GAS7: variants seen among roughly 807,000 people sequenced by gnomAD.
GAS7 encodes the protein growth arrest-specific protein 7.
GAS7 carries 28 observed loss-of-function variants against 71.1 expected under a neutral mutation model. That is an observed-to-expected ratio of 0.39 (90% CI 0.29 to 0.54). GAS7 has a LOEUF of 0.54. Ranked by LOEUF, GAS7 falls within the 20% of genes least tolerant of loss-of-function variation. GAS7 has a pLI of 0.62. For synonymous variants in GAS7, 258 were observed against 245.8 expected (o/e 1.05, Z -0.46); for missense variants, 436 against 627.8 (o/e 0.69, Z 3.27).
At chr17:10,165,662 G>A (rs2074288774) in intron 1 of GAS7, among the ~76,000 whole-genome samples, 1 of 152,168 alleles carries the variant, frequency 6.6e-6, no homozygotes, top group Admixed American at 6.5e-5. Context: ...CAAAGTAAAT[G>A]TAAGCAGAGG....
Position 9,914,844 on chromosome 17 carries a change from G to A in GAS7, c.*2384C>T, listed in dbSNP as rs942976485. On this transcript the variant is annotated 3_prime_UTR_variant, in exon 14 of 14. Transcript: ENST00000432992. ...GGCTTGTCTTGAGCATTCGCTGAATGAATGCAGATTAATCAGAACAACAGA... is the reference window on the plus strand; with the variant it reads ...GGCTTGTCTTGAGCATTCGCTGAATAAATGCAGATTAATCAGAACAACAGA... 34 of 231,096 alleles carry A rather than the reference G, an allele frequency of 1.5e-4. No homozygotes were observed. Among genetic ancestry groups the A allele is most frequent in the African/African-American group, 6.6e-4 (30 of 45,336 alleles). 14.3% of individuals were successfully genotyped at this position (231,096 alleles called of 1,614,324 possible). A position where few individuals can be genotyped will look rare whatever the true frequency, so the allele number is the denominator to read the frequency against.
chr17:9,941,170 A>G lies in GAS7; in HGVS notation c.732-970T>C, dbSNP rs143270979. ...ATGACTTGGCATCAGGAGACTCACA[A>G]TCTCGTTCCTTCTTGCACTGCTTTC... On this transcript the variant is annotated intron_variant, in intron 7 of 13. Coordinates refer to ENST00000432992, the MANE Select transcript of GAS7 (RefSeq NM_201433.2). 1.4e-3 allele frequency among the ~76,000 whole-genome samples: 217 copies of G among 152,206 alleles called. 2 individuals carry two copies. Among genetic ancestry groups the G allele is most frequent in the African/African-American group, 4.9e-3 (204 of 41,526 alleles).
chr17:10,073,832 T>C (rs1433064794), intron 1 of GAS7, among the ~76,000 whole-genome samples: 2 of 152,200 alleles, frequency 1.3e-5, no homozygotes, highest in Non-Finnish European at 2.9e-5. Flanking sequence ...AGCTACTTCC[T>C]CAGTTCTCTA....
chr17:9,936,701 C>A (rs191184441), intron 8 of GAS7, among the ~76,000 whole-genome samples: 4 of 152,120 alleles, frequency 2.6e-5, no homozygotes, highest in Non-Finnish European at 5.9e-5. Context: ...ATCTGATAAA[C>A]GGTTAATGAA....
Position 10,161,817 on chromosome 17 carries a change from C to A in GAS7, c.183+36391G>T, listed in dbSNP as rs549654958. 5.2e-3 allele frequency among the ~76,000 whole-genome samples: 786 copies of A among 152,264 alleles called. 9 individuals are homozygous for A. The highest frequency in any genetic ancestry group is 5.4e-3 in the Non-Finnish European group (364 of 68,018). Reference sequence around the variant, plus strand: ...CGGTGGCTCATGCGTGTAATCCCAGCATTTTGGGAGGCCGAGGCGGGCGGA... The same window carrying A: ...CGGTGGCTCATGCGTGTAATCCCAGAATTTTGGGAGGCCGAGGCGGGCGGA... On this transcript the variant is annotated intron_variant, in intron 1 of 13. Transcript: ENST00000432992.
chr17:10,120,415 C>T (rs145367710), intron 1 of GAS7, among the ~76,000 whole-genome samples: 12 of 152,278 alleles, frequency 7.9e-5, no homozygotes, highest in Non-Finnish European at 1.6e-4. Flanking sequence ...GAGACCAGGA[C>T]GGACTCAATC....
intron 1 of GAS7, among the ~76,000 whole-genome samples, chr17:10,123,746 T>C (rs183351775): frequency 1.1e-3 from 167 of 152,256 alleles, no homozygotes; most frequent in Non-Finnish European, 2.0e-3. Context: ...CACCAGTGGC[T>C]GGAGGAATCA....
At chr17:10,006,316 CTTTTTTTTTTTTTTT>C (rs1168698479) in intron 2 of GAS7, among the ~76,000 whole-genome samples, 5 of 65,572 alleles carry the variant, frequency 7.6e-5, no homozygotes, top group Admixed American at 2.1e-4. Flanking sequence ...GCCCCAGATT[CTTTTTTTTTTTTTTT>C]TTTTTTTTTT....
chr17:9,942,927 A>C (rs57344404), intron 7 of GAS7, among the ~76,000 whole-genome samples, 194 bp downstream of exon 7: 2,097 of 152,322 alleles, frequency 0.014, 59 homozygotes, highest in African/African-American at 0.048. Context: ...TCAATATTTA[A>C]AAACACTATA....
intron 10 of GAS7, 117 bp from the exon 11 acceptor site, chr17:9,925,716 C>T (rs2067977698): frequency 2.7e-6 from 3 of 1,103,994 alleles, no homozygotes; most frequent in Non-Finnish European, 4.0e-6. Context: ...GTGGATGATG[C>T]CACAGTGGTC....
chr17:10,106,347 C>T (rs183854572), intron 1 of GAS7, among the ~76,000 whole-genome samples: 241 of 152,300 alleles, frequency 1.6e-3, no homozygotes, highest in Non-Finnish European at 2.4e-3. Context: ...TGTCTGCAGC[C>T]CAGCTTTGGC....
Position 9,954,165 on chromosome 17 carries a change from G to A in GAS7, c.525+5037C>T, listed in dbSNP as rs115984829. On this transcript the variant is annotated intron_variant, in intron 5 of 13. Coordinates refer to ENST00000432992, the MANE Select transcript of GAS7 (RefSeq NM_201433.2). ...AGGATATGCCCTACAGGTGGGGACC[G>A]CGTTGCTCGGTTTGGCTGAGCTGTG... 3.5e-3 allele frequency among the ~76,000 whole-genome samples: 533 copies of A among 152,310 alleles called. 3 individuals carry two copies. The highest frequency in any genetic ancestry group is 0.012 in the African/African-American group (511 of 41,554).
chr17:10,023,469 G>A (rs933835878), intron 1 of GAS7, among the ~76,000 whole-genome samples: 2 of 152,118 alleles, frequency 1.3e-5, no homozygotes, highest in African/African-American at 2.4e-5. Context: ...GATGGATAGT[G>A]TAGTACAGCC....
At chr17:10,123,404 G>A (rs1490958272) in intron 1 of GAS7, among the ~76,000 whole-genome samples, 1 of 152,166 alleles carries the variant, frequency 6.6e-6, no homozygotes, top group African/African-American at 2.4e-5. Flanking sequence ...CCCTACCCTA[G>A]AATCTGAAGG....
intron 1 of GAS7, among the ~76,000 whole-genome samples, chr17:10,134,306 C>T (rs747004440): frequency 2.8e-4 from 43 of 152,154 alleles, no homozygotes; most frequent in African/African-American, 1.9e-4. Context: ...GCTGGGATTA[C>T]AGGTGTGAGC....
At chr17:10,120,741 A>G (rs2073897742) in intron 1 of GAS7, among the ~76,000 whole-genome samples, 1 of 152,160 alleles carries the variant, frequency 6.6e-6, no homozygotes, top group African/African-American at 2.4e-5. Context: ...ACAACAAAAA[A>G]GCACAGCGAA....
Position 10,034,698 on chromosome 17 carries a change from G to A in GAS7, c.184-14801C>T, listed in dbSNP as rs368632864. Among the ~76,000 whole-genome samples, 1 of 152,154 alleles carries A rather than the reference G, an allele frequency of 6.6e-6. No homozygotes were observed. The highest frequency in any genetic ancestry group is 1.9e-4 in the East Asian group (1 of 5,192). ...AAAAGTCACATTCAAGTGTAGACATGGGCATCATGTCTAGGAGGCATCTGA... is the reference window on the plus strand; with the variant it reads ...AAAAGTCACATTCAAGTGTAGACATAGGCATCATGTCTAGGAGGCATCTGA... On this transcript the variant is annotated intron_variant, in intron 1 of 13. Transcript: ENST00000432992. The surrounding 1 kb of genome is among the most constrained non-coding windows in gnomAD (Gnocchi z 4.4).
intron 2 of GAS7, among the ~76,000 whole-genome samples, chr17:10,000,442 T>G (rs1410074733): frequency 6.6e-6 from 1 of 152,186 alleles, no homozygotes; most frequent in African/African-American, 2.4e-5. Flanking sequence ...TACTCTTGAC[T>G]TGAAAGCACC....
chr17:10,115,332 G>A (rs1256379321), intron 1 of GAS7, among the ~76,000 whole-genome samples: 1 of 152,154 alleles, frequency 6.6e-6, no homozygotes, highest in Admixed American at 6.5e-5. Context: ...CAGGCGGGGG[G>A]AACGCTGCAA....
Sources: allele counts gnomAD v4.1 joint callset (sites outside exome capture counted in the v4.1 genomes callset), GRCh38; gene constraint gnomAD v4.1.1; non-coding constraint Gnocchi (gnomAD v3.1); transcripts MANE v1.5; gene names NCBI Gene and HGNC (gene_info 2026-07-23, HGNC 2026-07-21).